Variants in FAM24B observed in about 807,000 individuals in gnomAD.
The protein encoded by FAM24B is family with sequence similarity 24 member B.
Under a neutral mutation model 2.3 loss-of-function variants are expected in FAM24B, and 3 were observed. The ratio of observed to expected loss-of-function variants is 1.29; its 90% confidence interval spans 0.59 to 3.32. The LOEUF is 3.32. Ranked by LOEUF, FAM24B falls within the 30% of genes most tolerant of loss-of-function variation. The probability of loss-of-function intolerance (pLI) is 0.03; values close to 1 mark genes in which losing one functional copy is unlikely to be tolerated. For missense variants in FAM24B, 98 were observed against 117.2 expected (o/e 0.84, Z 0.76); for synonymous variants, 36 against 46.3 (o/e 0.78, Z 0.90).
intron 1 of FAM24B, among the ~76,000 whole-genome samples, chr10:122,871,271 T>C (rs1306877941): frequency 6.6e-6 from 1 of 151,838 alleles, no homozygotes; most frequent in African/African-American, 2.4e-5. Context: ...AAACCACTGC[T>C]CAATGAAATA....
intron 1 of FAM24B, among the ~76,000 whole-genome samples, chr10:122,860,262 G>T (rs960857550): frequency 6.6e-6 from 1 of 152,076 alleles, no homozygotes; most frequent in Non-Finnish European, 1.5e-5. Context: ...TTTTGGGTTT[G>T]CAGATTGTCA....
intron 1 of FAM24B, among the ~76,000 whole-genome samples, chr10:122,860,450 G>C (rs913360333): frequency 2.0e-5 from 3 of 152,132 alleles, no homozygotes; most frequent in African/African-American, 7.2e-5. Context: ...TCCAGGTTTT[G>C]ACAATTATAA....
chr10:122,866,649 C>T (rs1387996892), intron 1 of FAM24B, among the ~76,000 whole-genome samples: 1 of 152,082 alleles, frequency 6.6e-6, no homozygotes, highest in Non-Finnish European at 1.5e-5. Context: ...GATCAGCAAT[C>T]TTTGATGTTA....
intron 1 of FAM24B, among the ~76,000 whole-genome samples, chr10:122,863,557 A>G (rs1038607415): frequency 1.3e-5 from 2 of 152,232 alleles, no homozygotes; most frequent in African/African-American, 2.4e-5. Flanking sequence ...TTTTAAATTG[A>G]GTAGATAGGA....
intron 1 of FAM24B, among the ~76,000 whole-genome samples, chr10:122,877,302 C>T (rs1387710358): frequency 6.6e-6 from 1 of 152,172 alleles, no homozygotes; most frequent in African/African-American, 2.4e-5. Context: ...CCACAATTCT[C>T]ATCCAAAGCT....
intron 1 of FAM24B, among the ~76,000 whole-genome samples, chr10:122,872,121 C>A (rs576458143): frequency 6.6e-6 from 1 of 152,024 alleles, no homozygotes; most frequent in Non-Finnish European, 1.5e-5. Context: ...AAAAAGTGGG[C>A]GAAGGATATG....
intron 1 of FAM24B, among the ~76,000 whole-genome samples, chr10:122,863,757 C>A (rs1435293393): frequency 1.3e-5 from 2 of 152,188 alleles, no homozygotes; most frequent in South Asian, 2.1e-4. Context: ...GGCTCTTTAC[C>A]AACATCTCCT....
chr10:122,857,768 T>C (rs1435264561), intron 1 of FAM24B, among the ~76,000 whole-genome samples: 1 of 152,240 alleles, frequency 6.6e-6, no homozygotes, highest in East Asian at 1.9e-4. Context: ...TGTTATAAAC[T>C]CTTGAGGAAG....
intron 3 of FAM24B, among the ~76,000 whole-genome samples, chr10:122,849,674 A>C (rs569485649): frequency 6.6e-6 from 1 of 152,060 alleles, no homozygotes; most frequent in Non-Finnish European, 1.5e-5. Flanking sequence ...TTTTGCAAGC[A>C]AGGTCACCCA....
intron 2 of FAM24B, chr10:122,855,300 T>A (rs1847619983): frequency 6.6e-6 from 1 of 152,190 alleles, no homozygotes; most frequent in Non-Finnish European, 1.5e-5. Flanking sequence ...TCTCTTCCCA[T>A]CTCCGAAATT....
rs573633981 is a variant in FAM24B, at chr10:122,877,804, G to C, written c.-178+1681C>G. Among the ~76,000 whole-genome samples the C allele has an allele frequency of 3.9e-5, 6 of 152,238 alleles. No individual in the cohort carries two copies. The South Asian group carries it at 1.2e-3, about 32-fold the overall frequency. On this transcript the variant is annotated intron_variant, in intron 1 of 3. Coordinates refer to ENST00000368898, the MANE Select transcript of FAM24B (RefSeq NM_152644.3). Reference sequence around the variant, plus strand: ...CACTAACTTTTGCAAAGTTTTTTCAGCTTTGAAAATAAGATTGAATTTGCC... The same window carrying C: ...CACTAACTTTTGCAAAGTTTTTTCACCTTTGAAAATAAGATTGAATTTGCC...
intron 1 of FAM24B, among the ~76,000 whole-genome samples, chr10:122,871,782 T>C (rs1053985629): frequency 5.3e-5 from 8 of 151,896 alleles, no homozygotes; most frequent in South Asian, 2.1e-4. Flanking sequence ...ATACAAAAAT[T>C]AATTCAAGAT....
intron 1 of FAM24B, among the ~76,000 whole-genome samples, chr10:122,863,047 C>T (rs761863009): frequency 1.3e-5 from 2 of 152,118 alleles, no homozygotes; most frequent in Non-Finnish European, 2.9e-5. Flanking sequence ...CATTCCTGAA[C>T]AGTGGAAAGA....
chr10:122,861,971 T>C (rs1589672048), intron 1 of FAM24B, among the ~76,000 whole-genome samples: 2 of 152,194 alleles, frequency 1.3e-5, no homozygotes, highest in Non-Finnish European at 2.9e-5. Context: ...CTGCCTCTCT[T>C]TTCTGTCACC....
chr10:122,870,273 C>T (rs1177821440), intron 1 of FAM24B, among the ~76,000 whole-genome samples: 1 of 152,136 alleles, frequency 6.6e-6, no homozygotes, highest in East Asian at 1.9e-4. Flanking sequence ...ATAACAGGTG[C>T]TGAAATTGAG....
intron 1 of FAM24B, among the ~76,000 whole-genome samples, chr10:122,871,858 A>T (rs1847903400): frequency 6.6e-6 from 1 of 152,206 alleles, no homozygotes; most frequent in Admixed American, 6.5e-5. Flanking sequence ...AGGCAATACC[A>T]TTCAGGACAT....
At chr10:122,866,559 T>C (rs1002477997) in intron 1 of FAM24B, among the ~76,000 whole-genome samples, 2 of 152,118 alleles carry the variant, frequency 1.3e-5, no homozygotes, top group Admixed American at 1.3e-4. Flanking sequence ...TGCTTACTTG[T>C]GTCTCTGCTG....
At chr10:122,871,060 C>T (rs949857814) in intron 1 of FAM24B, among the ~76,000 whole-genome samples, 1 of 152,186 alleles carries the variant, frequency 6.6e-6, no homozygotes, top group African/African-American at 2.4e-5. Flanking sequence ...TCAAAATCTC[C>T]TTAAGCTGAT....
At position 122,849,154 on chromosome 10, in the gene FAM24B, T is replaced by C; in HGVS notation, c.*93A>G. The C allele has an allele frequency of 3.3e-6, 3 of 913,616 alleles. No homozygotes were observed. Among genetic ancestry groups the C allele is most frequent in the Non-Finnish European group, 4.7e-6 (3 of 633,382 alleles). 56.6% of individuals were successfully genotyped at this position (913,616 alleles called of 1,614,324 possible). A position where few individuals can be genotyped will look rare whatever the true frequency, so the allele number is the denominator to read the frequency against. Reference sequence around the variant, plus strand: ...TAAAACAACACTGTAAATTATATAATCTCACATAAAAACACTAGAACTTGA... The same window carrying C: ...TAAAACAACACTGTAAATTATATAACCTCACATAAAAACACTAGAACTTGA... On this transcript the variant is annotated 3_prime_UTR_variant, in exon 4 of 4. Coordinates refer to ENST00000368898, the MANE Select transcript of FAM24B (RefSeq NM_152644.3).
Sources: gnomAD v4.1 joint callset for allele counts (sites outside exome capture counted in the v4.1 genomes callset) on GRCh38, gnomAD v4.1.1 for gene constraint, MANE v1.5 for transcripts, NCBI Gene and HGNC (gene_info 2026-07-23, HGNC 2026-07-21) for gene names.